The following SIPA1L1 variants were observed in gnomAD, a reference collection of about 807,000 sequenced individuals.
SIPA1L1 encodes signal-induced proliferation-associated 1-like protein 1.
Under a neutral mutation model 162.7 loss-of-function variants are expected in SIPA1L1, and 26 were observed. The observed-to-expected ratio is 0.16, with a 90% confidence interval of 0.12 to 0.22. The LOEUF (loss-of-function observed/expected upper bound fraction) is 0.22. Among genes scored for constraint, SIPA1L1 ranks in the 10% least tolerant of loss-of-function variants. SIPA1L1 has a pLI of 1.00. For missense variants in SIPA1L1, 1,874 were observed against 2,241.0 expected (o/e 0.84, Z 3.31); for synonymous variants, 829 against 837.4 (o/e 0.99, Z 0.17).
At chr14:71,474,467 G>C (rs779286713) in intron 2 of SIPA1L1, among the ~76,000 whole-genome samples, 3 of 152,178 alleles carry the variant, frequency 2.0e-5, no homozygotes, top group Non-Finnish European at 4.4e-5. Flanking sequence ...CTATTCTGCA[G>C]CTGTTTGAGT....
chr14:71,544,733 GAGTT>G (rs934664810), intron 4 of SIPA1L1, among the ~76,000 whole-genome samples: 18 of 152,124 alleles, frequency 1.2e-4, no homozygotes, highest in Admixed American at 1.0e-3. Context: ...CCATTGAGCT[GAGTT>G]AGTTCTTGGT....
intron 2 of SIPA1L1, among the ~76,000 whole-genome samples, chr14:71,355,215 C>T (rs561867373): frequency 1.3e-5 from 2 of 152,290 alleles, no homozygotes; most frequent in African/African-American, 2.4e-5. Context: ...TATTATTAAC[C>T]GCTGATTACT....
chr14:71,585,630 C>T (rs1481709716), intron 4 of SIPA1L1, among the ~76,000 whole-genome samples: 1 of 152,030 alleles, frequency 6.6e-6, no homozygotes, highest in Non-Finnish European at 1.5e-5. Context: ...TGAAATGTGG[C>T]AAGAGTTTTT....
chr14:71,365,685 A>G (rs1194683117), intron 2 of SIPA1L1, among the ~76,000 whole-genome samples: 1 of 151,280 alleles, frequency 6.6e-6, no homozygotes, highest in Non-Finnish European at 1.5e-5. Context: ...TGTAGCACAC[A>G]TGGTTTTTAA....
Position 71,541,958 on chromosome 14 carries a change from G to GT in SIPA1L1, c.-303+12589dup, listed in dbSNP as rs1185561802. 2.6e-5 allele frequency among the ~76,000 whole-genome samples: 4 copies of GT among 152,190 alleles called. 1 individual carries two copies. In the Middle Eastern group the frequency reaches 0.014, roughly 518 times the overall value. ...ATGGCACAAAGGAATTCTAAAACAC[G>GT]TAAGGATCAGTAATAACTTACTGAC... On this transcript the variant is annotated intron_variant, in intron 4 of 23. Coordinates refer to ENST00000381232, the MANE Select transcript of SIPA1L1 (RefSeq NM_001386936.1).
At chr14:71,711,170 G>A (rs1162268272) in intron 17 of SIPA1L1, among the ~76,000 whole-genome samples, 9 of 152,222 alleles carry the variant, frequency 5.9e-5, no homozygotes, top group Non-Finnish European at 8.8e-5. Context: ...AAAGGAAATT[G>A]GGAAAGTAGT....
intron 14 of SIPA1L1, among the ~76,000 whole-genome samples, chr14:71,702,013 A>G (rs1449615633): frequency 6.6e-6 from 1 of 152,228 alleles, no homozygotes; most frequent in Non-Finnish European, 1.5e-5. Flanking sequence ...GAATATTAAT[A>G]TTTAGTTTGT....
intron 12 of SIPA1L1, among the ~76,000 whole-genome samples, chr14:71,683,687 A>G (rs969855131): frequency 2.0e-5 from 3 of 152,206 alleles, no homozygotes; most frequent in African/African-American, 7.2e-5. Context: ...ATCAGAGCCT[A>G]AAGTAGTATT....
chr14:71,684,725 T>C (rs147696678), intron 12 of SIPA1L1, among the ~76,000 whole-genome samples: 210 of 147,016 alleles, frequency 1.4e-3, no homozygotes, highest in Non-Finnish European at 2.5e-3. Context: ...GCTTATACAC[T>C]CTTTTGGAGC....
intron 4 of SIPA1L1, among the ~76,000 whole-genome samples, chr14:71,563,648 C>T (rs767650233): frequency 1.3e-5 from 2 of 152,192 alleles, no homozygotes; most frequent in Non-Finnish European, 2.9e-5. Context: ...TTATTCTGTA[C>T]TACCTCACAA....
chr14:71,484,469 C>A (rs150322854), intron 2 of SIPA1L1, among the ~76,000 whole-genome samples: 3 of 152,008 alleles, frequency 2.0e-5, no homozygotes, highest in African/African-American at 7.2e-5. Context: ...TATATATTAG[C>A]ACTAATTTTT....
chr14:71,701,277 CAAG>C (rs1274616767), intron 14 of SIPA1L1, among the ~76,000 whole-genome samples: 1 of 152,030 alleles, frequency 6.6e-6, no homozygotes, highest in East Asian at 1.9e-4. Context: ...CAGCCTATAG[CAAG>C]AAGACACCCC....
chr14:71,698,992 G>A lies in SIPA1L1; in HGVS notation c.3386G>A (p.Gly1129Asp), dbSNP rs765144010. 1 of 1,614,198 alleles carries A rather than the reference G, an allele frequency of 6.2e-7. No individual in the cohort carries two copies. Among genetic ancestry groups the A allele is most frequent in the Admixed American group, 1.7e-5 (1 of 60,028 alleles). ...TATTGCACATGCAGGCTGTCTCCTG[G>A]TTCGGACATCTATGTGACGGTCTCA... ...GRPLERRLSP[G>D]SDIYVTVSSM... is the part of the protein sequence containing the mutation. The change falls in exon 14 of 24, where the codon GGT (glycine) becomes GAT (aspartate). Residue 1129 changes from glycine to aspartate, a missense_variant. Around this residue, in one of 5 missense-constraint regions of SIPA1L1, gnomAD observed 936 missense variants for 1,051.9 expected, o/e 0.89. Transcript: ENST00000381232.
chr14:71,709,072 T>C (rs1470713731), intron 16 of SIPA1L1, 150 bp from the exon 17 acceptor site: 2 of 624,740 alleles, frequency 3.2e-6, no homozygotes, highest in South Asian at 2.0e-5. Context: ...CATAGTGACA[T>C]AGGTTCCCTG....
intron 4 of SIPA1L1, among the ~76,000 whole-genome samples, chr14:71,537,435 C>A (rs1444793142): frequency 6.6e-6 from 1 of 152,132 alleles, no homozygotes; most frequent in Non-Finnish European, 1.5e-5. Flanking sequence ...GGACTCCTGA[C>A]CTCAGGTGAT....
In SIPA1L1 at chr14:71,660,015, A is replaced by G. The variant is rs755065250; in HGVS notation, c.2098-1295A>G. ...TATTTTTAATAAAATATTTTTCATT[A>G]TATGTAGTATAAGATGGAAAAATGG... On this transcript the variant is annotated intron_variant, in intron 9 of 23. Transcript: ENST00000381232. Among the ~76,000 whole-genome samples the G allele has an allele frequency of 8.5e-5, 13 of 152,176 alleles. No homozygotes were observed. In the East Asian group the frequency reaches 2.1e-3, roughly 25 times the overall value.
At chr14:71,577,557 T>G (rs765139882) in intron 4 of SIPA1L1, among the ~76,000 whole-genome samples, 49 of 151,830 alleles carry the variant, frequency 3.2e-4, no homozygotes, top group Non-Finnish European at 8.8e-5. Flanking sequence ...TTGTATTCTT[T>G]TAGTAGAGGT....
chr14:71,385,878 G>C (rs942207782), intron 2 of SIPA1L1, among the ~76,000 whole-genome samples: 18 of 151,800 alleles, frequency 1.2e-4, no homozygotes, highest in African/African-American at 4.4e-4. Context: ...AGTAGAGACG[G>C]GGTTTCACCA....
At chr14:71,488,998 G>T (rs759263642) in intron 2 of SIPA1L1, among the ~76,000 whole-genome samples, 3 of 152,146 alleles carry the variant, frequency 2.0e-5, no homozygotes, top group Non-Finnish European at 4.4e-5. Context: ...TGCTGCTCTT[G>T]CCTCTGTGGA....
Sources: allele counts gnomAD v4.1 joint callset (sites outside exome capture counted in the v4.1 genomes callset), GRCh38; gene constraint gnomAD v4.1.1; regional missense constraint gnomAD v4.1.1; transcripts MANE v1.5; gene names NCBI Gene and HGNC (gene_info 2026-07-23, HGNC 2026-07-21).